The following RHEX variants were observed in gnomAD, a reference collection of about 807,000 sequenced individuals.
RHEX encodes the protein regulator of hemoglobinization and erythroid cell expansion, also known as regulator of hemoglobinization and erythroid cell expansion protein.
RHEX carries 18 observed loss-of-function variants against 20.1 expected under a neutral mutation model. That is an observed-to-expected ratio of 0.90 (90% CI 0.62 to 1.33). The LOEUF (loss-of-function observed/expected upper bound fraction) is 1.33. Among genes scored for constraint, RHEX ranks in the 40% most tolerant of loss-of-function variants. The pLI is 0.00. For synonymous variants in RHEX, 87 were observed against 77.1 expected, an observed-to-expected ratio of 1.13 and a Z score of -0.67; for missense variants, 192 against 214.3, an observed-to-expected ratio of 0.90 and a Z score of 0.65.
rs1663149368 is a variant in RHEX, at chr1:206,099,750, G to GAC, written c.209_210insCA (p.Glu70AspfsTer56). ...TCCACCTGCTGTCAAAGAGATGAAG[G>GAC]AGACTCAGACAGAGAGAGACATCCC... On this transcript the variant is annotated frameshift_variant, in exon 4 of 6. Coordinates refer to ENST00000331555, the MANE Select transcript of RHEX (RefSeq NM_001007544.4). LOFTEE classifies it high-confidence loss of function. 6.2e-7 allele frequency: 1 copy of GAC among 1,613,966 alleles called. No individual in the cohort carries two copies. Among genetic ancestry groups the GAC allele is most frequent in the Non-Finnish European group, 8.5e-7 (1 of 1,179,984 alleles).
chr1:206,084,707 A>C (rs1571866694), intron 1 of RHEX, among the ~76,000 whole-genome samples: 1 of 152,156 alleles, frequency 6.6e-6, no homozygotes, highest in Non-Finnish European at 1.5e-5. Flanking sequence ...CTTGAGTAGG[A>C]TCTGTTACAT....
At chr1:206,081,386 C>T (rs1662732355) in intron 1 of RHEX, among the ~76,000 whole-genome samples, 1 of 152,128 alleles carries the variant, frequency 6.6e-6, no homozygotes, top group Non-Finnish European at 1.5e-5. Flanking sequence ...TACACAAAAC[C>T]ATGAGATTTT....
At chr1:206,099,538 C>T (rs28463502) in intron 3 of RHEX, 117 bp from the exon 4 acceptor site, 24 of 910,232 alleles carry the variant, frequency 2.6e-5, no homozygotes, top group African/African-American at 2.3e-4. Flanking sequence ...AGGCTGGTCT[C>T]GAACTTGTGA....
intron 3 of RHEX, among the ~76,000 whole-genome samples, chr1:206,098,827 A>G (rs1553288049): frequency 6.6e-6 from 1 of 152,240 alleles, no homozygotes; most frequent in Non-Finnish European, 1.5e-5. Context: ...ACAACAGGGA[A>G]CAAAACAAAA....
At chr1:206,097,985 T>C in intron 2 of RHEX, 96 bp from the exon 3 acceptor site, 2 of 1,201,104 alleles carry the variant, frequency 1.7e-6, no homozygotes, top group Non-Finnish European at 2.5e-6. Flanking sequence ...CACGCAGCAA[T>C]GCCAGATGTC....
chr1:206,054,220 GA>G (rs1171503928), intron 1 of RHEX, among the ~76,000 whole-genome samples: 3 of 151,002 alleles, frequency 2.0e-5, no homozygotes, highest in African/African-American at 7.4e-5. Context: ...GGTGTTTAAA[GA>G]AAAAAAATGT....
intron 5 of RHEX, 134 bp downstream of exon 5, chr1:206,101,331 T>C: frequency 1.4e-6 from 1 of 706,834 alleles, no homozygotes; most frequent in Non-Finnish European, 2.4e-6. Context: ...CATCACAGCA[T>C]CCTCAGGTGA....
At position 206,079,391 on chromosome 1, in the gene RHEX, C is replaced by T. The variant is rs140105082; in HGVS notation, c.-96-18342C>T. 3.7e-3 allele frequency among the ~76,000 whole-genome samples: 562 copies of T among 152,216 alleles called. 5 individuals carry two copies. The highest frequency in any genetic ancestry group is 5.5e-3 in the Non-Finnish European group (372 of 68,006). ...AAGACGTTTCCTTTAACTTCAATAT[C>T]TGCTCCTGGAGCTTTAAATTAAGGA... On this transcript the variant is annotated intron_variant, in intron 1 of 5. Coordinates refer to ENST00000331555, the MANE Select transcript of RHEX (RefSeq NM_001007544.4).
chr1:206,075,542 C>T (rs1662621393), intron 1 of RHEX, among the ~76,000 whole-genome samples: 1 of 151,496 alleles, frequency 6.6e-6, no homozygotes, highest in Non-Finnish European at 1.5e-5. Context: ...GGTTATAAAG[C>T]AGCAGATAAA....
chr1:206,071,714 T>C (rs1469733102), intron 1 of RHEX, among the ~76,000 whole-genome samples: 1 of 151,378 alleles, frequency 6.6e-6, no homozygotes, highest in Non-Finnish European at 1.5e-5. Flanking sequence ...CCAGGCCTGG[T>C]GGTGAATGCC....
Position 206,101,202 on chromosome 1 carries a change from T to C in RHEX, c.318+5T>C. The C allele has an allele frequency of 6.2e-7, 1 of 1,608,250 alleles. No individual in the cohort carries two copies. On this transcript the variant is annotated splice_donor_5th_base_variant and intron_variant, in intron 5 of 5. Coordinates refer to ENST00000331555, the MANE Select transcript of RHEX (RefSeq NM_001007544.4). The stretch of plus-strand genomic sequence containing the variant: ...AGTTCGCCTCCTGCCTGCCAGGTAA[T>C]GGATGTGCCTAGTGATCTCAGACGA...
In RHEX at chr1:206,067,792, C is replaced by T. The variant is rs1662457103; in HGVS notation, c.-97+14527C>T. Among the ~76,000 whole-genome samples the T allele has an allele frequency of 6.6e-6, 1 of 152,204 alleles. No individual in the cohort carries two copies. Among genetic ancestry groups the T allele is most frequent in the African/African-American group, 2.4e-5 (1 of 41,444 alleles). ...CCTTCTCTGCCGTGCTGCCCATTGC[C>T]TCCTTGCAACATATTCTCCCTGTAA... On this transcript the variant is annotated intron_variant, in intron 1 of 5. Coordinates refer to ENST00000331555, the MANE Select transcript of RHEX (RefSeq NM_001007544.4). This position sits in a 1 kb window ranked among gnomAD's most constrained non-coding sequence, Gnocchi z 4.6.
chr1:206,096,248 A>G (rs1663066232), intron 1 of RHEX, among the ~76,000 whole-genome samples: 1 of 152,234 alleles, frequency 6.6e-6, no homozygotes, highest in African/African-American at 2.4e-5. Context: ...CTTAAAAAAT[A>G]AAAGCTTTGA....
At chr1:206,096,031 T>C (rs1343533133) in intron 1 of RHEX, among the ~76,000 whole-genome samples, 3 of 152,148 alleles carry the variant, frequency 2.0e-5, no homozygotes, top group Non-Finnish European at 4.4e-5. Flanking sequence ...GGTCTTGCTA[T>C]GTTACCCGGG....
intron 1 of RHEX, among the ~76,000 whole-genome samples, chr1:206,086,212 G>T (rs1662837596): frequency 6.6e-6 from 1 of 152,144 alleles, no homozygotes; most frequent in South Asian, 2.1e-4. Flanking sequence ...AATCATGAGT[G>T]GGCCCAGTGT....
At chr1:206,071,757 G>A (rs1461499333) in intron 1 of RHEX, among the ~76,000 whole-genome samples, 1 of 151,362 alleles carries the variant, frequency 6.6e-6, no homozygotes, top group African/African-American at 2.4e-5. Flanking sequence ...GCTGAGGCAG[G>A]AGGATCCCTT....
intron 1 of RHEX, among the ~76,000 whole-genome samples, chr1:206,090,970 A>G (rs536074751): frequency 6.6e-6 from 1 of 152,314 alleles, no homozygotes; most frequent in African/African-American, 2.4e-5. Context: ...GTGTAAAATC[A>G]TATATTTTGC....
chr1:206,065,801 C>A (rs536165000), intron 1 of RHEX, among the ~76,000 whole-genome samples: 13 of 152,178 alleles, frequency 8.5e-5, no homozygotes, highest in Admixed American at 1.3e-4. Flanking sequence ...TCCCCTGCAC[C>A]CTCATCTTGG....
chr1:206,098,990 A>G (rs975742752), intron 3 of RHEX, among the ~76,000 whole-genome samples: 37 of 152,224 alleles, frequency 2.4e-4, no homozygotes, highest in African/African-American at 8.4e-4. Context: ...CCAAAAGGCT[A>G]ACCTTTGAGT....
Sources: gnomAD v4.1 joint callset for allele counts (sites outside exome capture counted in the v4.1 genomes callset) on GRCh38, gnomAD v4.1.1 for gene constraint, Gnocchi (gnomAD v3.1) non-coding constraint, MANE v1.5 for transcripts, NCBI Gene and HGNC (gene_info 2026-07-23, HGNC 2026-07-21) for gene names.